PLEKHA7: variants seen among roughly 807,000 people sequenced by gnomAD.
The protein encoded by PLEKHA7 is pleckstrin homology domain containing A7, also known as pleckstrin homology domain-containing family A member 7.
PLEKHA7 carries 104 observed loss-of-function variants against 170.0 expected under a neutral mutation model. The observed-to-expected ratio is 0.61, with a 90% CI of 0.52 to 0.72. PLEKHA7 has a LOEUF of 0.72. Ranked by LOEUF, PLEKHA7 falls within the 30% of genes least tolerant of loss-of-function variation. The pLI is 0.00. For missense variants in PLEKHA7, 1,615 were observed against 1,671.7 expected, an observed-to-expected ratio of 0.97 and a Z score of 0.59; for synonymous variants, 648 against 660.8, an observed-to-expected ratio of 0.98 and a Z score of 0.30.
intron 3 of PLEKHA7, among the ~76,000 whole-genome samples, chr11:16,899,593 T>C (rs1857201993): frequency 6.6e-6 from 1 of 152,140 alleles, no homozygotes; most frequent in Non-Finnish European, 1.5e-5. Context: ...TAATTTTCTC[T>C]GCCAACTCAG....
intron 17 of PLEKHA7, among the ~76,000 whole-genome samples, chr11:16,796,972 G>A (rs1478787748): frequency 6.6e-6 from 1 of 152,038 alleles, no homozygotes; most frequent in Non-Finnish European, 1.5e-5. Flanking sequence ...CCAGCCGAAA[G>A]GGTTAATTTT....
At chr11:16,913,337 G>A (rs1163925445) in intron 3 of PLEKHA7, among the ~76,000 whole-genome samples, 1 of 152,126 alleles carries the variant, frequency 6.6e-6, no homozygotes, top group Non-Finnish European at 1.5e-5. Flanking sequence ...TTCTGCAGAG[G>A]GCGCGGGAGA....
chr11:16,990,490 C>T (rs144893837), intron 3 of PLEKHA7, among the ~76,000 whole-genome samples: 40 of 152,262 alleles, frequency 2.6e-4, no homozygotes, highest in Middle Eastern at 3.4e-3. Context: ...GCTTATGAGT[C>T]CTTCCTTGGA....
rs1853400304 is a variant in PLEKHA7, at chr11:16,855,855, T to C, written c.365A>G (p.Glu122Gly). ...GGAGGCGGTCCCAGCCGTGGATGTT[T>C]CACTGACCATGCTGGACGGTCTTTG... ...RNQRPSSMVSETSTAGTASTL... is the reference protein window; with the variant it reads ...RNQRPSSMVSGTSTAGTASTL... The change falls in exon 5 of 27, where the codon GAA becomes GGA. Residue 122 changes from glutamate to glycine, a missense_variant. Transcript: ENST00000531066. The C allele has an allele frequency of 6.2e-7, 1 of 1,614,054 alleles. No homozygotes were observed. The highest frequency in any genetic ancestry group is 1.3e-5 in the African/African-American group (1 of 74,912).
intron 3 of PLEKHA7, among the ~76,000 whole-genome samples, chr11:16,954,308 G>A (rs528095786): frequency 3.3e-4 from 50 of 152,232 alleles, no homozygotes; most frequent in African/African-American, 1.2e-3. Flanking sequence ...TTGAGGCCAA[G>A]AGTTCAAGAC....
At chr11:16,867,384 G>A (rs1854479164) in intron 4 of PLEKHA7, among the ~76,000 whole-genome samples, 1 of 152,178 alleles carries the variant, frequency 6.6e-6, no homozygotes, top group South Asian at 2.1e-4. Context: ...AAACTGGGGA[G>A]TGGAGGCTCT....
chr11:16,846,605 TTG>T (rs1425896863), intron 8 of PLEKHA7, among the ~76,000 whole-genome samples: 1 of 152,204 alleles, frequency 6.6e-6, no homozygotes, highest in Non-Finnish European at 1.5e-5. Context: ...AGCCTGGCAT[TTG>T]TAAGGCTCAA....
chr11:16,931,153 GAAC>G (rs1859893884), intron 3 of PLEKHA7, among the ~76,000 whole-genome samples: 1 of 152,072 alleles, frequency 6.6e-6, no homozygotes, highest in East Asian at 1.9e-4. Flanking sequence ...TAATAAGCTA[GAAC>G]AACTATGGCC....
chr11:16,794,425 G>A, intron 19 of PLEKHA7, 63 bp downstream of exon 19: 1 of 1,501,314 alleles, frequency 6.7e-7, no homozygotes, highest in South Asian at 1.1e-5. Flanking sequence ...TCTCTCCCAG[G>A]AGAAGGTAAT....
chr11:16,830,047 G>T (rs1346803602), intron 9 of PLEKHA7, among the ~76,000 whole-genome samples: 1 of 151,904 alleles, frequency 6.6e-6, no homozygotes, highest in Non-Finnish European at 1.5e-5. Flanking sequence ...AGCGTGAACA[G>T]AGCTCACCGC....
intron 26 of PLEKHA7, among the ~76,000 whole-genome samples, chr11:16,781,761 A>G (rs960317805): frequency 1.5e-4 from 23 of 152,132 alleles, no homozygotes; most frequent in African/African-American, 5.6e-4. Context: ...TGATCTCCAG[A>G]CAAGACTCCC....
At chr11:17,007,835 A>G (rs1865100636) in intron 3 of PLEKHA7, among the ~76,000 whole-genome samples, 1 of 152,164 alleles carries the variant, frequency 6.6e-6, no homozygotes, top group Non-Finnish European at 1.5e-5. Flanking sequence ...TGGCCATTCA[A>G]AGTGCTGGGA....
chr11:16,905,318 C>G (rs1857585731), intron 3 of PLEKHA7, among the ~76,000 whole-genome samples: 1 of 152,102 alleles, frequency 6.6e-6, no homozygotes, highest in Non-Finnish European at 1.5e-5. Context: ...CTATAAAATC[C>G]AGAAGATACA....
chr11:16,983,705 A>G (rs1863570855), intron 3 of PLEKHA7, among the ~76,000 whole-genome samples: 2 of 152,236 alleles, frequency 1.3e-5, no homozygotes, highest in Non-Finnish European at 1.5e-5. Flanking sequence ...AGGCAGGAAC[A>G]GCCAAAGAAT....
At chr11:16,855,350 T>C (rs1301490822) in intron 5 of PLEKHA7, among the ~76,000 whole-genome samples, 1 of 152,224 alleles carries the variant, frequency 6.6e-6, no homozygotes, top group Non-Finnish European at 1.5e-5. Context: ...TTACCCCTCC[T>C]ATCTGGGTTC....
chr11:16,918,441 A>G (rs571779931), intron 3 of PLEKHA7, among the ~76,000 whole-genome samples: 7 of 152,328 alleles, frequency 4.6e-5, no homozygotes, highest in Admixed American at 1.3e-4. Context: ...AAGCAGCCCA[A>G]GCTGGGATCT....
At chr11:16,806,511 C>T (rs1848999545) in intron 13 of PLEKHA7, among the ~76,000 whole-genome samples, 1 of 152,212 alleles carries the variant, frequency 6.6e-6, no homozygotes, top group Admixed American at 6.5e-5. Flanking sequence ...CTTCCCTCCC[C>T]TCCACCACAT....
intron 3 of PLEKHA7, among the ~76,000 whole-genome samples, chr11:16,873,932 G>A (rs947125036): frequency 1.3e-5 from 2 of 152,136 alleles, no homozygotes; most frequent in Admixed American, 6.5e-5. Flanking sequence ...CTCCCAAAGT[G>A]CTGGGATTAC....
chr11:16,841,810 T>A, intron 8 of PLEKHA7, 88 bp from the exon 9 acceptor site: 1 of 1,353,166 alleles, frequency 7.4e-7, no homozygotes, highest in South Asian at 1.4e-5. Context: ...CTATGGCCCT[T>A]CTAGTCTAAA....
Sources: allele counts gnomAD v4.1 joint callset (sites outside exome capture counted in the v4.1 genomes callset), GRCh38; gene constraint gnomAD v4.1.1; transcripts MANE v1.5; gene names NCBI Gene and HGNC (gene_info 2026-07-23, HGNC 2026-07-21).